The following ERG variants were observed in gnomAD, a reference collection of about 807,000 sequenced individuals.
ERG encodes the protein ETS transcription factor ERG, also known as transcriptional regulator ERG.
Under a neutral mutation model 55.3 loss-of-function variants are expected in ERG, and 9 were observed. The observed-to-expected ratio is 0.16, with a 90% CI of 0.10 to 0.28. ERG has a LOEUF of 0.28. ERG is among the 10% of genes least tolerant of loss of function. The pLI is 1.00. For missense variants in ERG, 434 were observed against 631.6 expected, an observed-to-expected ratio of 0.69 and a Z score of 3.35; for synonymous variants, 223 against 237.3, an observed-to-expected ratio of 0.94 and a Z score of 0.55.
intron 1 of ERG, among the ~76,000 whole-genome samples, chr21:38,475,114 A>G (rs975661797): frequency 3.9e-5 from 6 of 152,204 alleles, no homozygotes; most frequent in African/African-American, 1.4e-4. Context: ...GCGCATGCCC[A>G]TAAACGCGGA....
chr21:38,615,176 T>C (rs1366812039), intron 1 of ERG, among the ~76,000 whole-genome samples: 1 of 152,212 alleles, frequency 6.6e-6, no homozygotes, highest in Non-Finnish European at 1.5e-5. Context: ...GATGTCCAGT[T>C]AATTCCTCAC....
At chr21:38,655,709 T>A (rs1163609622) in intron 1 of ERG, among the ~76,000 whole-genome samples, 2 of 152,230 alleles carry the variant, frequency 1.3e-5, no homozygotes, top group Non-Finnish European at 2.9e-5. Flanking sequence ...ACTGTCACTG[T>A]AACCATGAAA....
chr21:38,599,807 T>C (rs143590461), intron 1 of ERG, among the ~76,000 whole-genome samples: 123 of 152,346 alleles, frequency 8.1e-4, no homozygotes, highest in Middle Eastern at 3.4e-3. Flanking sequence ...AGGAAGGAGC[T>C]ATCAGACTTG....
intron 1 of ERG, among the ~76,000 whole-genome samples, chr21:38,607,806 A>G (rs944541971): frequency 6.6e-6 from 1 of 152,236 alleles, no homozygotes; most frequent in Non-Finnish European, 1.5e-5. Flanking sequence ...AACAAAGCAG[A>G]ACTAAAGAAC....
chr21:38,383,445 G>T lies in ERG; in HGVS notation c.1398C>A (p.Leu466=), dbSNP rs542428261. The part of the protein sequence containing the change: ...PTGGIYPNTR[L]PTSHMPSHLG... ...GATGAGAAGGCATATGGCTGGTGGG[G>T]AGCCTAGTGTTGGGGTATATACCCC... The change falls in exon 10 of 10, where the codon CTC becomes CTA. Residue 466 remains leucine, a synonymous_variant. Transcript: ENST00000288319. This position sits in a 1 kb window ranked among gnomAD's most constrained non-coding sequence, Gnocchi z 5.7. 6.6e-7 allele frequency: 1 copy of T among 1,515,490 alleles called. No individual in the cohort carries two copies. Among genetic ancestry groups the T allele is most frequent in the South Asian group, 1.3e-5 (1 of 75,058 alleles). 93.9% of individuals were successfully genotyped at this position (1,515,490 alleles called of 1,614,324 possible).
chr21:38,469,233 C>T (rs2059119396), intron 1 of ERG, among the ~76,000 whole-genome samples: 1 of 152,108 alleles, frequency 6.6e-6, no homozygotes, highest in African/African-American at 2.4e-5. Context: ...TTTTTAATGC[C>T]ATGTCTATCC....
chr21:38,512,291 CA>C (rs977511034), intron 2 of ERG, among the ~76,000 whole-genome samples: 1 of 152,058 alleles, frequency 6.6e-6, no homozygotes, highest in East Asian at 1.9e-4. Context: ...CAGATAACAA[CA>C]ATGAAAAAAT....
intron 2 of ERG, among the ~76,000 whole-genome samples, chr21:38,525,995 G>A (rs1438506217): frequency 6.6e-6 from 1 of 152,178 alleles, no homozygotes; most frequent in Non-Finnish European, 1.5e-5. Context: ...TATTGTTGGG[G>A]AAGAATAACT....
chr21:38,464,584 A>G (rs2059071910), intron 1 of ERG, among the ~76,000 whole-genome samples: 1 of 151,888 alleles, frequency 6.6e-6, no homozygotes, highest in South Asian at 2.1e-4. Context: ...TTTTTCATAT[A>G]CTTTAAGTTC....
intron 7 of ERG, 103 bp downstream of exon 7, chr21:38,392,273 G>A (rs1569060201): frequency 2.0e-6 from 2 of 983,344 alleles, no homozygotes; most frequent in Admixed American, 4.0e-5. Flanking sequence ...CCCATCACAT[G>A]TTGCAAAATC....
At chr21:38,551,762 C>T (rs7280729) in intron 2 of ERG, among the ~76,000 whole-genome samples, 4,712 of 151,948 alleles carry the variant, frequency 0.031, 271 homozygotes, top group African/African-American at 0.11. Flanking sequence ...TAGCCAAGTG[C>T]GTAGTCAATT....
intron 2 of ERG, among the ~76,000 whole-genome samples, chr21:38,440,338 A>G (rs2058828422): frequency 6.6e-6 from 1 of 152,230 alleles, no homozygotes; most frequent in African/African-American, 2.4e-5. Flanking sequence ...AGGCAGCCAC[A>G]CACTGCTCTG....
At chr21:38,441,604 A>C (rs1006485692) in intron 2 of ERG, among the ~76,000 whole-genome samples, 2 of 152,214 alleles carry the variant, frequency 1.3e-5, no homozygotes, top group East Asian at 3.8e-4. Flanking sequence ...GCCAGGAGAC[A>C]CACTGAGCTC....
chr21:38,424,837 A>C (rs1246422329), intron 2 of ERG, among the ~76,000 whole-genome samples: 1 of 151,930 alleles, frequency 6.6e-6, no homozygotes, highest in East Asian at 1.9e-4. Flanking sequence ...TGGGGAGTGG[A>C]CTCCAGCAGT....
rs981327491 is a variant in ERG at position 38,403,566 on chromosome 21, T to C, written c.532A>G (p.Arg178Gly). Residue 178 changes from arginine to glycine, a missense_variant, in exon 4 of 10, where the codon AGG becomes GGG. By Grantham distance (125) the Arg-to-Gly change is moderately radical. Transcript: ENST00000288319. ...LCKMTKDDFQ[R>G]LTPSYNADIL... ...TCGGCGTTGTAGCTGGGGGTGAGCCTCTGGAAGTCGTCCTTGGTCATCTTG... is the reference window on the plus strand; with the variant it reads ...TCGGCGTTGTAGCTGGGGGTGAGCCCCTGGAAGTCGTCCTTGGTCATCTTG... 4 of 1,614,058 alleles carry C rather than the reference T, an allele frequency of 2.5e-6. No individual in the cohort carries two copies. The Admixed American group carries it at 6.7e-5, about 27-fold the overall frequency.
chr21:38,507,002 A>G (rs1444278626), intron 2 of ERG, among the ~76,000 whole-genome samples: 1 of 152,126 alleles, frequency 6.6e-6, no homozygotes, highest in Non-Finnish European at 1.5e-5. Flanking sequence ...ATTGCAAACT[A>G]GATGGGAGGA....
intron 3 of ERG, among the ~76,000 whole-genome samples, chr21:38,411,440 G>C (rs2032094): frequency 1 from 152,314 of 152,314 alleles, 76,157 homozygotes; most frequent in Non-Finnish European, 1. Context: ...TCCCGAATAG[G>C]TGGGATTACA....
At chr21:38,426,965 G>A (rs1035742408) in intron 2 of ERG, among the ~76,000 whole-genome samples, 1 of 151,806 alleles carries the variant, frequency 6.6e-6, no homozygotes, top group Admixed American at 6.6e-5. Flanking sequence ...AGGGGACATT[G>A]AGGATTTTGA....
intron 2 of ERG, among the ~76,000 whole-genome samples, chr21:38,523,883 T>A (rs1193202987): frequency 6.6e-6 from 1 of 152,204 alleles, no homozygotes; most frequent in Non-Finnish European, 1.5e-5. Context: ...TCAGAATACA[T>A]GTCTGGCTCT....
Sources: allele counts gnomAD v4.1 joint callset (sites outside exome capture counted in the v4.1 genomes callset), GRCh38; gene constraint gnomAD v4.1.1; non-coding constraint Gnocchi (gnomAD v3.1); transcripts MANE v1.5; gene names NCBI Gene and HGNC (gene_info 2026-07-23, HGNC 2026-07-21).